Variants in CCDC61 observed in about 807,000 individuals in gnomAD.
The protein encoded by CCDC61 is centrosomal protein CCDC61.
In CCDC61, 55 loss-of-function variants were observed where a neutral mutation model predicts 63.0. The observed-to-expected ratio is 0.87, with a 90% confidence interval of 0.70 to 1.09. The LOEUF is 1.09. CCDC61 is among the 50% of genes least tolerant of loss of function. The pLI, the probability that CCDC61 is intolerant of heterozygous loss-of-function variation, is 0.00. For synonymous variants in CCDC61, 270 were observed against 317.0 expected (o/e 0.85, Z 1.58); for missense variants, 651 against 731.4 (o/e 0.89, Z 1.27).
intron 3 of CCDC61, among the ~76,000 whole-genome samples, chr19:46,003,744 C>T (rs749490113): frequency 5.9e-5 from 9 of 151,968 alleles, no homozygotes; most frequent in Admixed American, 2.6e-4. Flanking sequence ...CACTCCAGCC[C>T]TAATACTCGC....
rs1266472085 is a variant in CCDC61 at position 46,016,398 on chromosome 19, G to C, written c.1091+5G>C. The C allele has an allele frequency of 1.9e-6, 3 of 1,613,560 alleles. No individual in the cohort carries two copies. The highest frequency in any genetic ancestry group is 2.5e-6 in the Non-Finnish European group (3 of 1,179,814). On this transcript the variant is annotated splice_donor_5th_base_variant and intron_variant, in intron 9 of 13. Coordinates refer to ENST00000595358, the MANE Select transcript of CCDC61 (RefSeq NM_001267723.2). The surrounding 1 kb of genome is among the most constrained non-coding windows in gnomAD (Gnocchi z 7.2). ...GCAGAGAGAGATCCAGATGAAGTCA[G>C]TGCCCCTTCCTCCCTCACCTGCCCC...
intron 5 of CCDC61, among the ~76,000 whole-genome samples, chr19:46,008,970 G>A (rs1326773377): frequency 6.6e-6 from 1 of 152,150 alleles, no homozygotes; most frequent in Non-Finnish European, 1.5e-5. Flanking sequence ...TGCACCTTTT[G>A]TGCTAGCCCC....
chr19:46,007,439 G>A lies in CCDC61; in HGVS notation c.390-701G>A, dbSNP rs183424427. Among the ~76,000 whole-genome samples the A allele has an allele frequency of 2.6e-5, 4 of 152,290 alleles. No homozygotes were observed. The East Asian group carries it at 7.7e-4, about 29-fold the overall frequency. On this transcript the variant is annotated intron_variant, in intron 4 of 13. Transcript: ENST00000595358. ...TGCATCTATATCAAGGCAGGAAGAA[G>A]AGGGACAGGGCTGAGTTTGTTAATT... is the stretch of plus-strand genomic sequence containing the variant.
rs1252956183 is a variant in CCDC61 at position 46,015,458 on chromosome 19, G to A, written c.845+31G>A. On this transcript the variant is annotated intron_variant, in intron 7 of 13. Coordinates refer to ENST00000595358, the MANE Select transcript of CCDC61 (RefSeq NM_001267723.2). The surrounding 1 kb of genome is among the most constrained non-coding windows in gnomAD (Gnocchi z 5.3). ...AGCGAGGCCTGCCAGGCGCCTGGGC[G>A]GATGGGCGGGCCCTGAGGGTGTGGA... The A allele has an allele frequency of 1.9e-6, 3 of 1,581,790 alleles. No homozygotes were observed. The highest frequency in any genetic ancestry group is 3.4e-5 in the Admixed American group (2 of 58,902).
intron 3 of CCDC61, among the ~76,000 whole-genome samples, chr19:46,004,354 G>T (rs924060554): frequency 6.6e-6 from 1 of 152,168 alleles, no homozygotes; most frequent in Non-Finnish European, 1.5e-5. Context: ...AGTCATTGTG[G>T]GGGACACTGG....
chr19:46,018,127 C>T lies in CCDC61; in HGVS notation c.1418C>T (p.Ser473Phe). 1 of 1,609,478 alleles carries T rather than the reference C, an allele frequency of 6.2e-7. No individual in the cohort carries two copies. The highest frequency in any genetic ancestry group is 8.5e-7 in the Non-Finnish European group (1 of 1,178,088). ...RSHHQKSLAN[S>F]GGWVPIKEYS... is the part of the protein sequence containing the mutation. ...CACCATCAGAAATCTCTGGCCAACT[C>T]CGGGGGCTGGGTCCCCATCAAAGGT... Residue 473 changes from serine to phenylalanine, a missense_variant, in exon 13 of 14, where the codon TCC (serine) becomes TTC (phenylalanine). Coordinates refer to ENST00000595358, the MANE Select transcript of CCDC61 (RefSeq NM_001267723.2). The surrounding 1 kb of genome is among the most constrained non-coding windows in gnomAD (Gnocchi z 4.2).
At chr19:45,998,823 C>T (rs1398992821) in intron 1 of CCDC61, among the ~76,000 whole-genome samples, 1 of 152,090 alleles carries the variant, frequency 6.6e-6, no homozygotes, top group Non-Finnish European at 1.5e-5. Flanking sequence ...TGGGGGAAGG[C>T]CCAGAGAGGG....
intron 5 of CCDC61, 33 bp downstream of exon 5, chr19:46,008,334 G>T: frequency 3.3e-6 from 3 of 898,758 alleles, no homozygotes; most frequent in Non-Finnish European, 3.5e-6. Context: ...GCTGGGGCGG[G>T]TGGGGGCCCT....
At chr19:46,010,413 CT>C (rs1968806230) in intron 5 of CCDC61, among the ~76,000 whole-genome samples, 1 of 152,142 alleles carries the variant, frequency 6.6e-6, no homozygotes, top group Non-Finnish European at 1.5e-5. Context: ...TCTGCCAGGG[CT>C]GGTGCTAGGA....
chr19:46,011,506 A>T (rs1968828240), intron 5 of CCDC61, among the ~76,000 whole-genome samples: 1 of 152,178 alleles, frequency 6.6e-6, no homozygotes, highest in Non-Finnish European at 1.5e-5. Flanking sequence ...AAAAATGAAA[A>T]ATAGATTTTG....
At position 46,017,001 on chromosome 19, in the gene CCDC61, C is replaced by G. The variant is rs772724071; in HGVS notation, c.1242C>G (p.Phe414Leu). ...SRNRSSSVDS[F>L]RSRCSSASSC... ...TCCGTCTCCCTCTAGTGGACAGTTT[C>G]CGCAGCCGCTGCTCGTCTGCCAGCT... The change falls in exon 11 of 14, where the codon TTC (phenylalanine) becomes TTG (leucine). Residue 414 changes from phenylalanine (F) to leucine (L), a missense_variant. Physicochemically the swap from Phe to Leu is conservative, Grantham distance 22 (BLOSUM62 0). Transcript: ENST00000595358. 7 of 1,611,444 alleles carry G rather than the reference C, an allele frequency of 4.3e-6. No individual in the cohort carries two copies. Among genetic ancestry groups the G allele is most frequent in the Non-Finnish European group, 5.9e-6 (7 of 1,178,964 alleles).
chr19:46,016,642 T>C lies in CCDC61; in HGVS notation c.1092-52T>C, dbSNP rs1396502649. 8 of 1,603,202 alleles carry C rather than the reference T, an allele frequency of 5.0e-6. No homozygotes were observed. The Admixed American group carries it at 8.6e-5, about 17-fold the overall frequency. On this transcript the variant is annotated intron_variant, in intron 9 of 13. Coordinates refer to ENST00000595358, the MANE Select transcript of CCDC61 (RefSeq NM_001267723.2). The surrounding 1 kb of genome is among the most constrained non-coding windows in gnomAD (Gnocchi z 7.2). The stretch of plus-strand genomic sequence containing the variant: ...GACCTTTAGGGGCGCAGTGACCCCC[T>C]TGCCTGCAGGAGTTGGGCGTACAGA...
chr19:46,016,767 CA>C lies in CCDC61; in HGVS notation c.1166del (p.Gln389ArgfsTer6). On this transcript the variant is annotated frameshift_variant, in exon 10 of 14. Coordinates refer to ENST00000595358, the MANE Select transcript of CCDC61 (RefSeq NM_001267723.2). LOFTEE classifies it high-confidence loss of function. This position sits in a 1 kb window ranked among gnomAD's most constrained non-coding sequence, Gnocchi z 7.2. Reference sequence around the variant, plus strand: ...GTCCGTCTCCTGGTCTCGCCAGACCCAGCCCCCTGCTGCCTTGACTGGCCGA... The same window carrying C: ...GTCCGTCTCCTGGTCTCGCCAGACCCGCCCCCTGCTGCCTTGACTGGCCGA... The part of the protein sequence containing the change: ...GPSVSWSRQT[Q>X]PPAALTGRGD... The C allele has an allele frequency of 6.4e-7, 1 of 1,571,862 alleles. No individual in the cohort carries two copies. Among genetic ancestry groups the C allele is most frequent in the Non-Finnish European group, 8.6e-7 (1 of 1,159,504 alleles).
rs1600655377 is a variant in CCDC61, at chr19:46,016,384, T to C, written c.1082T>C (p.Ile361Thr). ...GCCAAGGAAAGGAAGCAGAGAGAGA[T>C]CCAGATGAAGTCAGTGCCCCTTCCT... ...VKAKERKQRE[I>T]QMKQQQRNRL... The change falls in exon 9 of 14, where the codon ATC becomes ACC. Residue 361 changes from isoleucine to threonine, a missense_variant. Transcript: ENST00000595358. This position sits in a 1 kb window ranked among gnomAD's most constrained non-coding sequence, Gnocchi z 7.2. 2 of 1,613,838 alleles carry C rather than the reference T, an allele frequency of 1.2e-6. No individual in the cohort carries two copies. Among genetic ancestry groups the C allele is most frequent in the Non-Finnish European group, 1.7e-6 (2 of 1,179,864 alleles).
intron 12 of CCDC61, 122 bp from the exon 13 acceptor site, chr19:46,017,955 GC>G (rs762124679): frequency 1.0e-5 from 8 of 774,774 alleles, no homozygotes; most frequent in Non-Finnish European, 1.7e-5. Flanking sequence ...ATAATGAATG[GC>G]CAGTAGGTGT....
Position 46,008,321 on chromosome 19 carries a change from GCA to G in CCDC61, c.551+21_551+22del. The G allele has an allele frequency of 1.1e-5, 8 of 702,868 alleles. No homozygotes were observed. The highest frequency in any genetic ancestry group is 3.9e-5 in the East Asian group (1 of 25,374). 43.5% of individuals were successfully genotyped at this position (702,868 alleles called of 1,614,324 possible). ...GGAGCAGTGAGTCTTGGAGGGGTGG[GCA>G]GCTGGGGCGGGTGGGGGCCCTCCCA... On this transcript the variant is annotated intron_variant, in intron 5 of 13. Transcript: ENST00000595358.
intron 4 of CCDC61, among the ~76,000 whole-genome samples, chr19:46,006,967 G>A (rs1968723548): frequency 6.6e-6 from 1 of 152,072 alleles, no homozygotes; most frequent in Non-Finnish European, 1.5e-5. Context: ...GTCTAGGTAG[G>A]TGTCTGCCAC....
At chr19:46,012,558 A>T (rs1439498211) in intron 5 of CCDC61, among the ~76,000 whole-genome samples, 1 of 152,112 alleles carries the variant, frequency 6.6e-6, no homozygotes, top group Non-Finnish European at 1.5e-5. Context: ...GAGACAGGAG[A>T]ATCACTTGAA....
intron 1 of CCDC61, 97 bp downstream of exon 1, chr19:45,995,601 C>A: frequency 2.5e-6 from 1 of 393,428 alleles, no homozygotes; most frequent in Non-Finnish European, 5.2e-6. Flanking sequence ...CTGCGGTGGG[C>A]AGCTGACCTG....
Sources: allele counts gnomAD v4.1 joint callset (sites outside exome capture counted in the v4.1 genomes callset), GRCh38; gene constraint gnomAD v4.1.1; non-coding constraint Gnocchi (gnomAD v3.1); transcripts MANE v1.5; gene names NCBI Gene and HGNC (gene_info 2026-07-23, HGNC 2026-07-21).